The following WWOX variants were observed in gnomAD, a reference collection of about 807,000 sequenced individuals.
WWOX encodes WW domain-containing oxidoreductase.
WWOX carries 69 observed loss-of-function variants against 46.2 expected under a neutral mutation model. That is an observed-to-expected ratio of 1.49 (90% CI 1.23 to 1.82). The LOEUF is 1.82. Among genes scored for constraint, WWOX ranks in the 40% most tolerant of loss-of-function variants. WWOX has a pLI of 0.00. For synonymous variants in WWOX, 359 were observed against 202.6 expected, an observed-to-expected ratio of 1.77 and a Z score of -6.56; for missense variants, 919 against 542.6, an observed-to-expected ratio of 1.69 and a Z score of -6.89.
chr16:78,941,286 G>T (rs2045846605), intron 8 of WWOX, among the ~76,000 whole-genome samples: 1 of 151,668 alleles, frequency 6.6e-6, no homozygotes, highest in African/African-American at 2.4e-5. Context: ...TATAATTAAT[G>T]CCACTAGCAG....
At chr16:79,179,316 C>G (rs1441454708) in intron 8 of WWOX, among the ~76,000 whole-genome samples, 2 of 152,082 alleles carry the variant, frequency 1.3e-5, no homozygotes, top group African/African-American at 2.4e-5. Context: ...TTTATGTTTC[C>G]TCTGAAACCA....
chr16:78,144,471 A>ATATATATATACG lies in WWOX; in HGVS notation c.410-19702_410-19701insCGTATATATATA, dbSNP rs1567596397. Among the ~76,000 whole-genome samples, 36 of 33,570 alleles carry ATATATATATACG rather than the reference A, an allele frequency of 1.1e-3. 3 individuals are homozygous for ATATATATATACG. Among genetic ancestry groups the ATATATATATACG allele is most frequent in the African/African-American group, 5.1e-3 (32 of 6,232 alleles). The allele number at this position is 33,570 out of a possible 152,430, so 22.0% of individuals were successfully genotyped here. On this transcript the variant is annotated intron_variant, in intron 4 of 8. Transcript: ENST00000566780. ...TACACATATATATATATACACACAT[A>ATATATATATACG]TATATATATATATATACACACACAC... is the stretch of plus-strand genomic sequence containing the variant.
At chr16:78,455,868 T>TA (rs2083805654) in intron 8 of WWOX, among the ~76,000 whole-genome samples, 1 of 152,056 alleles carries the variant, frequency 6.6e-6, no homozygotes, top group African/African-American at 2.4e-5. Context: ...TGATGAGATT[T>TA]AAAAAACTAA....
At chr16:78,877,103 G>C (rs1296320807) in intron 8 of WWOX, among the ~76,000 whole-genome samples, 19 of 152,140 alleles carry the variant, frequency 1.2e-4, no homozygotes. Flanking sequence ...GTTCAGTAAG[G>C]AAGAAGGTTT....
intron 8 of WWOX, among the ~76,000 whole-genome samples, chr16:78,667,947 C>G (rs569919510): frequency 3.9e-5 from 6 of 152,220 alleles, no homozygotes; most frequent in African/African-American, 9.6e-5. Context: ...CTGTGCTGCT[C>G]TCAGCCAAAG....
At chr16:78,884,273 CAAAAAAAAAAAA>C (rs71384384) in intron 8 of WWOX, among the ~76,000 whole-genome samples, 1 of 46,596 alleles carries the variant, frequency 2.1e-5, no homozygotes, top group Non-Finnish European at 4.4e-5. Context: ...ACCCTGTCTC[CAAAAAAAAAAAA>C]AAAAAAAACA....
intron 8 of WWOX, among the ~76,000 whole-genome samples, chr16:78,841,457 G>T (rs567173465): frequency 2.0e-5 from 3 of 152,164 alleles, no homozygotes; most frequent in African/African-American, 4.8e-5. Flanking sequence ...GAAACTGACC[G>T]TGGTGAGAAT....
chr16:78,263,145 C>T (rs986766495), intron 5 of WWOX, among the ~76,000 whole-genome samples: 3 of 152,154 alleles, frequency 2.0e-5, no homozygotes, highest in Admixed American at 1.3e-4. Context: ...GAGGCTGAGG[C>T]AGGAGAATCA....
chr16:78,724,595 A>G (rs547331300), intron 8 of WWOX, among the ~76,000 whole-genome samples: 2 of 152,300 alleles, frequency 1.3e-5, no homozygotes, highest in South Asian at 4.1e-4. Flanking sequence ...TGACCCACTT[A>G]TGTGTAGTCC....
intron 7 of WWOX, among the ~76,000 whole-genome samples, chr16:78,427,031 C>T (rs3935135): frequency 0.063 from 9,568 of 152,226 alleles, 390 homozygotes; most frequent in South Asian, 0.15. Flanking sequence ...GTATTACCTT[C>T]GCATTGCATC....
intron 8 of WWOX, among the ~76,000 whole-genome samples, chr16:78,822,798 T>C (rs1381644677): frequency 1.3e-5 from 2 of 152,170 alleles, no homozygotes; most frequent in Non-Finnish European, 2.9e-5. Context: ...AAGTCTACTT[T>C]CTCTTCAAGA....
intron 8 of WWOX, among the ~76,000 whole-genome samples, chr16:78,930,387 C>T (rs747646306): frequency 6.6e-6 from 1 of 151,096 alleles, no homozygotes; most frequent in Non-Finnish European, 1.5e-5. Context: ...AGGCGATCCT[C>T]ACACCTTAGC....
At chr16:78,575,069 A>ATATATATATT (rs2044839755) in intron 8 of WWOX, among the ~76,000 whole-genome samples, 1 of 26,294 alleles carries the variant, frequency 3.8e-5, no homozygotes, top group African/African-American at 1.2e-4. Context: ...ATATATATAT[A>ATATATATATT]TATATATATA....
intron 8 of WWOX, among the ~76,000 whole-genome samples, chr16:78,673,058 G>C (rs1013384694): frequency 2.0e-5 from 3 of 152,226 alleles, no homozygotes; most frequent in Non-Finnish European, 4.4e-5. Flanking sequence ...AATGGCCTGA[G>C]AAAGCAATGG....
At chr16:78,363,357 C>A (rs1204336743) in intron 5 of WWOX, among the ~76,000 whole-genome samples, 1 of 151,822 alleles carries the variant, frequency 6.6e-6, no homozygotes, top group Non-Finnish European at 1.5e-5. Flanking sequence ...CACTCCAGCC[C>A]CAAACTCCCA....
At chr16:78,278,560 A>G (rs577104572) in intron 5 of WWOX, 4 of 1,576,122 alleles carry the variant, frequency 2.5e-6, no homozygotes, top group Non-Finnish European at 1.7e-6. Context: ...TGTTGTTCTC[A>G]TAACTTAATT....
At chr16:78,674,845 G>A (rs971285653) in intron 8 of WWOX, among the ~76,000 whole-genome samples, 6 of 149,104 alleles carry the variant, frequency 4.0e-5, no homozygotes, top group African/African-American at 1.5e-4. Context: ...TTTTTTTCTG[G>A]AAGAAAGAGC....
intron 4 of WWOX, among the ~76,000 whole-genome samples, chr16:78,122,179 A>G (rs149909213): frequency 6.6e-6 from 1 of 152,302 alleles, no homozygotes; most frequent in Non-Finnish European, 1.5e-5. Flanking sequence ...CATAGAATAC[A>G]TAGGGTTTGG....
chr16:78,530,661 G>A (rs1010736851), intron 8 of WWOX, among the ~76,000 whole-genome samples: 1 of 152,118 alleles, frequency 6.6e-6, no homozygotes, highest in South Asian at 2.1e-4. Flanking sequence ...TTCTCACTTT[G>A]GGCCACAGTT....
Sources: allele counts gnomAD v4.1 joint callset (sites outside exome capture counted in the v4.1 genomes callset), GRCh38; gene constraint gnomAD v4.1.1; transcripts MANE v1.5; gene names NCBI Gene and HGNC (gene_info 2026-07-23, HGNC 2026-07-21).